Variants in TMEM135 observed in about 807,000 individuals in gnomAD.
TMEM135 encodes the protein peroxisomal membrane protein 52.
In TMEM135, 30 loss-of-function variants were observed where a neutral mutation model predicts 60.3. That is an observed-to-expected ratio of 0.50 (90% CI 0.37 to 0.68). The LOEUF is 0.68. Among genes scored for constraint, TMEM135 ranks in the 30% least tolerant of loss-of-function variants. The pLI is 0.00. For missense variants in TMEM135, 468 were observed against 548.8 expected (o/e 0.85, Z 1.47); for synonymous variants, 190 against 186.7 (o/e 1.02, Z -0.14).
chr11:87,066,776 ATTCT>A (rs1307492943), intron 1 of TMEM135, among the ~76,000 whole-genome samples: 4 of 134,356 alleles, frequency 3.0e-5, no homozygotes, highest in Non-Finnish European at 4.8e-5. Flanking sequence ...TTGTTACTAG[ATTCT>A]TTCTTTTTTT....
intron 5 of TMEM135, among the ~76,000 whole-genome samples, chr11:87,218,839 G>A (rs565226683): frequency 1.3e-5 from 2 of 152,262 alleles, no homozygotes; most frequent in Admixed American, 6.5e-5. Flanking sequence ...GTGCACACCT[G>A]TGATCCCAGC....
rs1457674500 is a variant in TMEM135, at chr11:87,323,465, A to T, written c.*2132A>T. On this transcript the variant is annotated 3_prime_UTR_variant, in exon 15 of 15. Transcript: ENST00000305494. ...ATGATTACCTTTCTACCTCTAACTAATCAGGTATTGATTGACAACTTTTTG... is the reference window on the plus strand; with the variant it reads ...ATGATTACCTTTCTACCTCTAACTATTCAGGTATTGATTGACAACTTTTTG... The T allele has an allele frequency of 2.2e-6, 1 of 453,928 alleles. No individual in the cohort carries two copies. Among genetic ancestry groups the T allele is most frequent in the East Asian group, 6.9e-5 (1 of 14,404 alleles). The allele number at this position is 453,928 out of a possible 1,614,324, so 28.1% of individuals were successfully genotyped here.
Position 87,323,849 on chromosome 11 carries a change from T to C in TMEM135, c.*2516T>C, listed in dbSNP as rs1482834998. On this transcript the variant is annotated 3_prime_UTR_variant, in exon 15 of 15. Coordinates refer to ENST00000305494, the MANE Select transcript of TMEM135 (RefSeq NM_022918.4). ...TTACTCATTTTTGAAGTAACACCTTTGGTTTAGTTTTATTTTCCCATAAAT... is the reference window on the plus strand; with the variant it reads ...TTACTCATTTTTGAAGTAACACCTTCGGTTTAGTTTTATTTTCCCATAAAT... 4 of 451,990 alleles carry C rather than the reference T, an allele frequency of 8.8e-6. No individual in the cohort carries two copies. Among genetic ancestry groups the C allele is most frequent in the Non-Finnish European group, 1.8e-5 (4 of 226,402 alleles). 28.0% of individuals were successfully genotyped at this position (451,990 alleles called of 1,614,324 possible).
chr11:87,038,281 C>A, intron 1 of TMEM135, 95 bp downstream of exon 1: 2 of 1,386,582 alleles, frequency 1.4e-6, no homozygotes, highest in Non-Finnish European at 2.0e-6. Context: ...GGGGACTTGC[C>A]TTGTGTCGGG....
intron 5 of TMEM135, among the ~76,000 whole-genome samples, chr11:87,179,083 T>G (rs1223335893): frequency 6.6e-6 from 1 of 152,218 alleles, no homozygotes; most frequent in Non-Finnish European, 1.5e-5. Flanking sequence ...TAGAAATGTA[T>G]GGTAATTTTT....
At chr11:87,109,969 A>G (rs1428555121) in intron 4 of TMEM135, among the ~76,000 whole-genome samples, 1 of 152,182 alleles carries the variant, frequency 6.6e-6, no homozygotes, top group African/African-American at 2.4e-5. Context: ...CTTCCTCTTA[A>G]TGGAATGGAT....
chr11:87,174,563 G>T (rs986573820), intron 5 of TMEM135, among the ~76,000 whole-genome samples: 3 of 152,068 alleles, frequency 2.0e-5, no homozygotes, highest in African/African-American at 7.2e-5. Flanking sequence ...TGGGGAGAAT[G>T]GATAGCATCT....
At chr11:87,094,926 A>G (rs1156832271) in intron 4 of TMEM135, 1 of 154,256 alleles carries the variant, frequency 6.5e-6, no homozygotes, top group Admixed American at 6.5e-5. Context: ...GTGACTCCTC[A>G]AGTGAATGGG....
At chr11:87,227,229 A>G (rs1249228820) in intron 5 of TMEM135, among the ~76,000 whole-genome samples, 2 of 151,780 alleles carry the variant, frequency 1.3e-5, no homozygotes, top group South Asian at 4.1e-4. Context: ...ATAATATTAT[A>G]TATTAGTTAC....
chr11:87,096,252 CT>C, intron 4 of TMEM135: 1 of 280,830 alleles, frequency 3.6e-6, no homozygotes, highest in Non-Finnish European at 7.1e-6. Context: ...GCTTTAGATC[CT>C]TCAAAACTGT....
At position 87,107,105 on chromosome 11, in the gene TMEM135, C is replaced by T. The variant is rs374044931; in HGVS notation, c.396+15710C>T. On this transcript the variant is annotated intron_variant, in intron 4 of 14. Transcript: ENST00000305494. ...GCCCCACTTGTAGCATTGAGGATTG[C>T]AATTCAACATGACATTTCATTGGGG... 5.3e-5 allele frequency among the ~76,000 whole-genome samples: 8 copies of T among 152,284 alleles called. No individual in the cohort carries two copies. In the East Asian group the frequency reaches 1.2e-3, roughly 22 times the overall value.
intron 5 of TMEM135, among the ~76,000 whole-genome samples, chr11:87,196,192 G>A (rs539581199): frequency 6.6e-6 from 1 of 152,022 alleles, no homozygotes; most frequent in African/African-American, 2.4e-5. Context: ...AGATTTTGGG[G>A]GAAATATTTT....
At chr11:87,107,371 C>T (rs532471808) in intron 4 of TMEM135, among the ~76,000 whole-genome samples, 9 of 151,810 alleles carry the variant, frequency 5.9e-5, no homozygotes, top group South Asian at 2.1e-4. Context: ...CCCATTAACT[C>T]GTCATTTACA....
At chr11:87,131,128 A>G (rs971805764) in intron 4 of TMEM135, among the ~76,000 whole-genome samples, 2 of 152,074 alleles carry the variant, frequency 1.3e-5, no homozygotes, top group South Asian at 4.1e-4. Flanking sequence ...GAGTTCTCAT[A>G]TTACTCTGTT....
rs890111112 is a variant in TMEM135 at position 87,328,325 on chromosome 11, A to G, written c.*6992A>G. 4.2e-5 allele frequency: 19 copies of G among 453,864 alleles called. No homozygotes were observed. Among genetic ancestry groups the G allele is most frequent in the African/African-American group, 3.6e-4 (18 of 49,992 alleles). 28.1% of individuals were successfully genotyped at this position (453,864 alleles called of 1,614,324 possible). A position where few individuals can be genotyped will look rare whatever the true frequency, so the allele number is the denominator to read the frequency against. On this transcript the variant is annotated 3_prime_UTR_variant, in exon 15 of 15. Transcript: ENST00000305494. ...CATCTTTAAAAAATCTTAGTTGATTATGTTTTATGTGTCATTTAATTAAGG... is the reference window on the plus strand; with the variant it reads ...CATCTTTAAAAAATCTTAGTTGATTGTGTTTTATGTGTCATTTAATTAAGG...
rs184185340 is a variant in TMEM135, at chr11:87,324,269, C to T, written c.*2936C>T. ...AATGTCCTTTACTCTCAGGGAGCTTCGTCCACTTGCCTGTGTCACAACCTC... is the reference window on the plus strand; with the variant it reads ...AATGTCCTTTACTCTCAGGGAGCTTTGTCCACTTGCCTGTGTCACAACCTC... On this transcript the variant is annotated 3_prime_UTR_variant, in exon 15 of 15. Coordinates refer to ENST00000305494, the MANE Select transcript of TMEM135 (RefSeq NM_022918.4). The T allele has an allele frequency of 2.5e-3, 1,117 of 454,052 alleles. 13 individuals are homozygous for T. Among genetic ancestry groups the T allele is most frequent in the African/African-American group, 0.02 (1,026 of 50,116 alleles). The allele number at this position is 454,052 out of a possible 1,614,324, so 28.1% of individuals were successfully genotyped here.
intron 4 of TMEM135, among the ~76,000 whole-genome samples, chr11:87,148,403 G>A (rs1057320653): frequency 1.7e-4 from 26 of 152,262 alleles, no homozygotes; most frequent in African/African-American, 6.0e-4. Context: ...AAAAATGTTG[G>A]TGGGAAGAGC....
At chr11:87,321,068 C>T in intron 14 of TMEM135, 133 bp from the exon 15 acceptor site, 1 of 702,600 alleles carries the variant, frequency 1.4e-6, no homozygotes, top group Non-Finnish European at 2.3e-6. Flanking sequence ...CTTGAATCTG[C>T]CATTGAATTT....
rs1206930493 is a variant in TMEM135, at chr11:87,321,768, T to C, written c.*435T>C. 4.4e-6 allele frequency: 2 copies of C among 454,702 alleles called. No homozygotes were observed. Among genetic ancestry groups the C allele is most frequent in the South Asian group, 1.6e-5 (1 of 64,494 alleles). 28.2% of individuals were successfully genotyped at this position (454,702 alleles called of 1,614,324 possible). On this transcript the variant is annotated 3_prime_UTR_variant, in exon 15 of 15. Coordinates refer to ENST00000305494, the MANE Select transcript of TMEM135 (RefSeq NM_022918.4). Reference sequence around the variant, plus strand: ...ATCACGGGTACATGGATTTGGTCTATATATTTTTTTAAAGTTTTGAATTGG... The same window carrying C: ...ATCACGGGTACATGGATTTGGTCTACATATTTTTTTAAAGTTTTGAATTGG...
Sources: gnomAD v4.1 joint callset for allele counts (sites outside exome capture counted in the v4.1 genomes callset) on GRCh38, gnomAD v4.1.1 for gene constraint, MANE v1.5 for transcripts, NCBI Gene and HGNC (gene_info 2026-07-23, HGNC 2026-07-21) for gene names.